Variants in LRP1B observed in about 807,000 individuals in gnomAD.
The protein encoded by LRP1B is LDL receptor related protein 1B.
In LRP1B, 217 loss-of-function variants were observed where a neutral mutation model predicts 556.6. The ratio of observed to expected loss-of-function variants is 0.39; its 90% CI spans 0.35 to 0.44. The LOEUF is 0.44. Among genes scored for constraint, LRP1B ranks in the 20% least tolerant of loss-of-function variants. LRP1B has a pLI of 1.00. For synonymous variants in LRP1B, 2,047 were observed against 1,865.8 expected, an observed-to-expected ratio of 1.10 and a Z score of -2.50; for missense variants, 5,053 against 5,620.8, an observed-to-expected ratio of 0.90 and a Z score of 3.23.
chr2:140,501,384 G>A (rs1390614207), intron 55 of LRP1B, among the ~76,000 whole-genome samples: 3 of 151,918 alleles, frequency 2.0e-5, no homozygotes, highest in African/African-American at 7.2e-5. Flanking sequence ...AGTTAAATAC[G>A]TATTTATACA....
chr2:140,533,295 T>C (rs77293418), intron 47 of LRP1B, among the ~76,000 whole-genome samples: 5,102 of 152,230 alleles, frequency 0.034, 121 homozygotes, highest in Middle Eastern at 0.058. Context: ...TTATTTAATA[T>C]TGTTTTTCTT....
intron 87 of LRP1B, among the ~76,000 whole-genome samples, chr2:140,245,916 T>A (rs80355379): frequency 1.0e-3 from 152 of 151,426 alleles, no homozygotes; most frequent in East Asian, 3.3e-3. Context: ...AAATGTTCCA[T>A]AACCAAAAAT....
At chr2:140,265,942 T>C (rs1040250974) in intron 86 of LRP1B, among the ~76,000 whole-genome samples, 2 of 152,004 alleles carry the variant, frequency 1.3e-5, no homozygotes, top group African/African-American at 2.4e-5. Context: ...GATTTATAAA[T>C]ATCCTAGGTA....
At position 140,508,269 on chromosome 2, in the gene LRP1B, C is replaced by T. The variant is rs554259053; in HGVS notation, c.8399-1351G>A. 2.6e-5 allele frequency among the ~76,000 whole-genome samples: 4 copies of T among 152,090 alleles called. No individual in the cohort carries two copies. In the South Asian group the frequency reaches 8.3e-4, roughly 32 times the overall value. On this transcript the variant is annotated intron_variant, in intron 52 of 90. Coordinates refer to ENST00000389484, the MANE Select transcript of LRP1B (RefSeq NM_018557.3). ...TATCACTTTTTCTTGAAATCATTTC[C>T]TGAGGCATTTTACATATTAGTAGGA...
intron 7 of LRP1B, among the ~76,000 whole-genome samples, chr2:141,078,519 G>T (rs891937213): frequency 2.0e-5 from 3 of 152,176 alleles, no homozygotes; most frequent in African/African-American, 2.4e-5. Context: ...GACACAGAAA[G>T]CTGGAAGTGG....
At chr2:140,960,121 G>T (rs909597614) in intron 18 of LRP1B, among the ~76,000 whole-genome samples, 2 of 151,654 alleles carry the variant, frequency 1.3e-5, no homozygotes. Flanking sequence ...TGTGGTTGAT[G>T]TCCATTTATA....
intron 1 of LRP1B, among the ~76,000 whole-genome samples, chr2:142,103,654 C>A (rs1470700684): frequency 2.0e-5 from 3 of 151,942 alleles, no homozygotes; most frequent in Non-Finnish European, 4.4e-5. Flanking sequence ...GACAAAAGGG[C>A]ATTTTTGTCT....
chr2:141,822,640 T>C (rs1030490610), intron 1 of LRP1B, among the ~76,000 whole-genome samples: 2 of 152,178 alleles, frequency 1.3e-5, no homozygotes, highest in Admixed American at 6.5e-5. Flanking sequence ...GTTTTAACCA[T>C]TAAAGGCCCT....
chr2:140,522,468 A>G (rs1000676869), intron 49 of LRP1B, among the ~76,000 whole-genome samples: 2 of 151,962 alleles, frequency 1.3e-5, no homozygotes, highest in African/African-American at 4.8e-5. Flanking sequence ...TCCACATCAA[A>G]AAGATAGAAA....
chr2:142,097,385 G>A (rs1284847291), intron 1 of LRP1B, among the ~76,000 whole-genome samples: 1 of 148,836 alleles, frequency 6.7e-6, no homozygotes, highest in East Asian at 2.0e-4. Context: ...TATAAAGAAA[G>A]CATTGCATTT....
intron 7 of LRP1B, among the ~76,000 whole-genome samples, chr2:141,077,644 A>G (rs1307569117): frequency 2.0e-5 from 3 of 152,224 alleles, no homozygotes; most frequent in African/African-American, 4.8e-5. Context: ...ATTTAAGAGC[A>G]GAACTGTGAT....
At chr2:141,149,638 A>C (rs910372490) in intron 7 of LRP1B, among the ~76,000 whole-genome samples, 1 of 152,112 alleles carries the variant, frequency 6.6e-6, no homozygotes, top group African/African-American at 2.4e-5. Flanking sequence ...GATGTTCCCC[A>C]AACTACCAAG....
chr2:141,748,615 G>T (rs1297390204), intron 2 of LRP1B, among the ~76,000 whole-genome samples: 1 of 152,128 alleles, frequency 6.6e-6, no homozygotes, highest in East Asian at 1.9e-4. Flanking sequence ...TTATTCTATA[G>T]TGTAGTCTTT....
At chr2:141,606,586 C>T (rs949266236) in intron 2 of LRP1B, among the ~76,000 whole-genome samples, 1 of 152,110 alleles carries the variant, frequency 6.6e-6, no homozygotes, top group Admixed American at 6.6e-5. Flanking sequence ...CTAAATGAGG[C>T]CTTTAGCATG....
intron 41 of LRP1B, among the ~76,000 whole-genome samples, chr2:140,686,352 A>G (rs891477149): frequency 1.3e-5 from 2 of 152,136 alleles, no homozygotes; most frequent in African/African-American, 4.8e-5. Context: ...AACTCAAGGC[A>G]GGGAAAGCAA....
At chr2:140,255,264 C>G (rs1210209600) in intron 86 of LRP1B, among the ~76,000 whole-genome samples, 1 of 152,114 alleles carries the variant, frequency 6.6e-6, no homozygotes, top group African/African-American at 2.4e-5. Context: ...GATTACTTTT[C>G]CTAGACCCAA....
intron 41 of LRP1B, among the ~76,000 whole-genome samples, chr2:140,645,956 T>C (rs1322663111): frequency 6.6e-6 from 1 of 152,232 alleles, no homozygotes; most frequent in East Asian, 1.9e-4. Flanking sequence ...CTTATTATAG[T>C]TTCTTGTATT....
At chr2:140,438,021 ATTGT>A (rs991378385) in intron 66 of LRP1B, among the ~76,000 whole-genome samples, 47 of 151,714 alleles carry the variant, frequency 3.1e-4, no homozygotes, top group East Asian at 2.3e-3. Context: ...TTTCTTTTTG[ATTGT>A]TTGTTTTTTC....
At chr2:141,875,729 T>C (rs1225786170) in intron 1 of LRP1B, among the ~76,000 whole-genome samples, 3 of 151,998 alleles carry the variant, frequency 2.0e-5, no homozygotes, top group African/African-American at 4.8e-5. Context: ...TTTGAGTTCA[T>C]GGAGAAGTCT....
Sources: allele counts gnomAD v4.1 joint callset (sites outside exome capture counted in the v4.1 genomes callset), GRCh38; gene constraint gnomAD v4.1.1; transcripts MANE v1.5; gene names NCBI Gene and HGNC (gene_info 2026-07-23, HGNC 2026-07-21).